Variants in PICALM observed in about 807,000 individuals in gnomAD.
PICALM encodes the protein phosphatidylinositol binding clathrin assembly protein.
In PICALM, 40 loss-of-function variants were observed where a neutral mutation model predicts 80.5. The ratio of observed to expected loss-of-function variants is 0.50; its 90% CI spans 0.39 to 0.65. The LOEUF (loss-of-function observed/expected upper bound fraction) is 0.65, where lower values mean the gene tolerates loss of function less well. Among genes scored for constraint, PICALM ranks in the 30% least tolerant of loss-of-function variants. The probability of loss-of-function intolerance (pLI) is 0.00; values close to 1 mark genes in which losing one functional copy is unlikely to be tolerated. For missense variants in PICALM, 676 were observed against 778.9 expected (o/e 0.87, Z 1.57); for synonymous variants, 288 against 260.3 (o/e 1.11, Z -1.02).
At chr11:85,977,031 A>G (rs2094304407) in intron 17 of PICALM, 1 of 158,758 alleles carries the variant, frequency 6.3e-6, no homozygotes, top group Non-Finnish European at 1.4e-5. Flanking sequence ...CTATCATTAA[A>G]AAATGTCTAC....
At chr11:86,008,899 C>G (rs1229603331) in intron 7 of PICALM, among the ~76,000 whole-genome samples, 1 of 143,166 alleles carries the variant, frequency 7.0e-6, no homozygotes, top group African/African-American at 2.6e-5. Context: ...TTGAGACCTG[C>G]CTGGGCAATA....
chr11:85,973,133 A>G (rs1276191986), intron 19 of PICALM, among the ~76,000 whole-genome samples: 1 of 152,256 alleles, frequency 6.6e-6, no homozygotes. Context: ...TTTAACATGG[A>G]CAAAGGGTGG....
intron 13 of PICALM, among the ~76,000 whole-genome samples, chr11:85,986,554 C>T (rs2094579169): frequency 6.6e-6 from 1 of 151,052 alleles, no homozygotes; most frequent in Non-Finnish European, 1.5e-5. Flanking sequence ...CCGCGCCCGG[C>T]TAATTTTTTG....
At chr11:85,988,755 C>T (rs1480352882) in intron 13 of PICALM, among the ~76,000 whole-genome samples, 1 of 151,952 alleles carries the variant, frequency 6.6e-6, no homozygotes, top group Non-Finnish European at 1.5e-5. Flanking sequence ...TGGGGGGAGC[C>T]CAAGCACTTG....
chr11:86,061,515 A>G (rs1397186386), intron 1 of PICALM, among the ~76,000 whole-genome samples: 1 of 152,150 alleles, frequency 6.6e-6, no homozygotes, highest in Non-Finnish European at 1.5e-5. Context: ...TGCATATGAA[A>G]AAAAGTCACA....
intron 11 of PICALM, 45 bp downstream of exon 11, chr11:86,000,598 C>A: frequency 6.5e-7 from 1 of 1,536,044 alleles, no homozygotes; most frequent in Non-Finnish European, 8.8e-7. Flanking sequence ...TATTAGAAGT[C>A]TTTGAACCTA....
At chr11:86,033,273 T>TGC (rs2095790530) in intron 1 of PICALM, among the ~76,000 whole-genome samples, 1 of 151,866 alleles carries the variant, frequency 6.6e-6, no homozygotes, top group Non-Finnish European at 1.5e-5. Flanking sequence ...GTGCATGGTG[T>TGC]GTGTGTATAT....
chr11:86,056,202 A>G (rs962773261), intron 1 of PICALM, among the ~76,000 whole-genome samples: 7 of 149,606 alleles, frequency 4.7e-5, no homozygotes, highest in Non-Finnish European at 8.9e-5. Context: ...TTGTGCATTA[A>G]AAGACATTGT....
At chr11:85,976,807 T>G (rs2094297455) in intron 17 of PICALM, 125 bp from the exon 18 acceptor site, 1 of 625,374 alleles carries the variant, frequency 1.6e-6, no homozygotes, top group Admixed American at 2.7e-5. Flanking sequence ...AAGTGACACT[T>G]GTGATCATTA....
chr11:85,972,468 T>C (rs1349294741), intron 19 of PICALM, among the ~76,000 whole-genome samples: 2 of 152,190 alleles, frequency 1.3e-5, no homozygotes. Context: ...TCTTTACCTA[T>C]GAAATGTGAC....
rs71040209 is a variant in PICALM at position 86,056,150 on chromosome 11, A to AG, written c.130+12500dup. Reference sequence around the variant, plus strand: ...ACTCTGTCTTTAAAAAAAAAAAAAAAGAAAAAACCCTTGAAAAATTAGACT... The same window carrying AG: ...ACTCTGTCTTTAAAAAAAAAAAAAAAGGAAAAAACCCTTGAAAAATTAGACT... On this transcript the variant is annotated intron_variant, in intron 1 of 19. Coordinates refer to ENST00000393346, the MANE Select transcript of PICALM (RefSeq NM_007166.4). Among the ~76,000 whole-genome samples, 4 of 148,930 alleles carry AG rather than the reference A, an allele frequency of 2.7e-5. 1 individual carries two copies. In the East Asian group the frequency reaches 7.8e-4, roughly 29 times the overall value.
Position 85,970,302 on chromosome 11 carries a change from A to C in PICALM, c.1944+4406T>G, listed in dbSNP as rs2094058104. ...GGGACACCAGATGACTGAAGACTGG[A>C]CAAAGAATAAACCCACTTTATGGCA... is the stretch of plus-strand genomic sequence containing the variant. On this transcript the variant is annotated intron_variant, in intron 19 of 19. Coordinates refer to ENST00000393346, the MANE Select transcript of PICALM (RefSeq NM_007166.4). 3.3e-5 allele frequency among the ~76,000 whole-genome samples: 5 copies of C among 152,236 alleles called. No individual in the cohort carries two copies. In the South Asian group the frequency reaches 1.0e-3, roughly 31 times the overall value.
chr11:85,991,904 A>C (rs2094792117), intron 12 of PICALM, among the ~76,000 whole-genome samples: 1 of 152,166 alleles, frequency 6.6e-6, no homozygotes, highest in Admixed American at 6.5e-5. Context: ...TTGCCCAGGC[A>C]GACTGCAGTG....
At chr11:86,053,008 T>C (rs1025936578) in intron 1 of PICALM, among the ~76,000 whole-genome samples, 1 of 152,204 alleles carries the variant, frequency 6.6e-6, no homozygotes, top group African/African-American at 2.4e-5. Flanking sequence ...TCTTCCCTTA[T>C]CAAAAGCAGT....
intron 19 of PICALM, chr11:85,969,758 ATCC>A (rs1257136289): frequency 1.4e-5 from 4 of 281,090 alleles, no homozygotes; most frequent in African/African-American, 9.0e-5. Flanking sequence ...CACTTAAGTG[ATCC>A]TCCTACCTCA....
intron 1 of PICALM, among the ~76,000 whole-genome samples, chr11:86,044,579 T>C (rs560020700): frequency 1.2e-4 from 6 of 48,800 alleles, no homozygotes; most frequent in African/African-American, 5.9e-4. Flanking sequence ...AGCCATTTAT[T>C]ACACGATTAA....
chr11:86,011,936 C>T (rs2095404814), intron 6 of PICALM, among the ~76,000 whole-genome samples: 1 of 150,808 alleles, frequency 6.6e-6, no homozygotes, highest in South Asian at 2.1e-4. Context: ...CTGCAACCTC[C>T]GCCTCCTGGG....
In PICALM at chr11:85,990,336, G is replaced by A. The variant is rs761552843; in HGVS notation, c.1322C>T (p.Thr441Ile). ...AAGGTGAACATCACCACTACTTTTT[G>A]TGAGGAAAGGATTTAAGCTTGGAAT... Reference protein sequence around the residue: ...DAIPSLNPFLTKSSGDVHLSI... With the variant: ...DAIPSLNPFLIKSSGDVHLSI... The change falls in exon 13 of 20, where the codon ACA becomes ATA. Residue 441 changes from threonine (T) to isoleucine (I), a missense_variant. Thr to Ile is a moderately conservative substitution (Grantham distance 89). Coordinates refer to ENST00000393346, the MANE Select transcript of PICALM (RefSeq NM_007166.4). 1 of 1,606,940 alleles carries A rather than the reference G, an allele frequency of 6.2e-7. No homozygotes were observed. The highest frequency in any genetic ancestry group is 8.5e-7 in the Non-Finnish European group (1 of 1,173,946).
At chr11:85,998,493 T>A (rs1228964886) in intron 11 of PICALM, among the ~76,000 whole-genome samples, 2 of 151,830 alleles carry the variant, frequency 1.3e-5, no homozygotes, top group African/African-American at 4.8e-5. Context: ...ATAATTTTTT[T>A]AAGAGAAGGG....
Sources: gnomAD v4.1 joint callset for allele counts (sites outside exome capture counted in the v4.1 genomes callset) on GRCh38, gnomAD v4.1.1 for gene constraint, MANE v1.5 for transcripts, NCBI Gene and HGNC (gene_info 2026-07-23, HGNC 2026-07-21) for gene names.